The following PDZRN4 variants were observed in gnomAD, a reference collection of about 807,000 sequenced individuals.
The protein encoded by PDZRN4 is PDZ domain containing ring finger 4.
A neutral mutation model predicts 99.0 loss-of-function variants in PDZRN4; 70 were observed. The observed-to-expected ratio is 0.71, with a 90% CI of 0.58 to 0.86. The LOEUF (loss-of-function observed/expected upper bound fraction) is 0.86, where lower values mean the gene tolerates loss of function less well. Among genes scored for constraint, PDZRN4 ranks in the 40% least tolerant of loss-of-function variants. PDZRN4 has a pLI of 0.00. For synonymous variants in PDZRN4, 551 were observed against 501.6 expected (o/e 1.10, Z -1.32); for missense variants, 1,474 against 1,331.2 (o/e 1.11, Z -1.67).
At chr12:41,197,978 G>C (rs1591964073) in intron 3 of PDZRN4, among the ~76,000 whole-genome samples, 1 of 134,224 alleles carries the variant, frequency 7.5e-6, no homozygotes, top group African/African-American at 2.8e-5. Flanking sequence ...GCAGTGGCAT[G>C]ATCACAGCTC....
At chr12:41,493,198 T>C (rs543975795) in intron 3 of PDZRN4, among the ~76,000 whole-genome samples, 3 of 152,326 alleles carry the variant, frequency 2.0e-5, no homozygotes, top group South Asian at 2.1e-4. Context: ...CCGTATGCCA[T>C]GTAATTAATC....
chr12:41,416,125 G>C (rs528570712), intron 3 of PDZRN4, among the ~76,000 whole-genome samples: 1 of 152,088 alleles, frequency 6.6e-6, no homozygotes, highest in Non-Finnish European at 1.5e-5. Flanking sequence ...CATAAACATA[G>C]TGTAAATTGA....
intron 5 of PDZRN4, among the ~76,000 whole-genome samples, chr12:41,516,924 A>G (rs1938410661): frequency 6.6e-6 from 1 of 151,954 alleles, no homozygotes; most frequent in Non-Finnish European, 1.5e-5. Flanking sequence ...TTGAATACTT[A>G]AGTTTATTAA....
At chr12:41,225,079 G>T in intron 3 of PDZRN4, among the ~76,000 whole-genome samples, 1 of 152,052 alleles carries the variant, frequency 6.6e-6, no homozygotes, top group East Asian at 1.9e-4. Flanking sequence ...CCTGTCTCCA[G>T]AGTATAAAAA....
intron 3 of PDZRN4, among the ~76,000 whole-genome samples, chr12:41,444,515 A>G (rs1001638525): frequency 6.6e-6 from 1 of 152,134 alleles, no homozygotes; most frequent in African/African-American, 2.4e-5. Context: ...CTATATTCTC[A>G]GCATTGGCTT....
At chr12:41,449,552 G>C (rs1040251941) in intron 3 of PDZRN4, among the ~76,000 whole-genome samples, 1 of 152,198 alleles carries the variant, frequency 6.6e-6, no homozygotes, top group Non-Finnish European at 1.5e-5. Context: ...ATGGGTAATG[G>C]ATGTGCACGC....
intron 3 of PDZRN4, among the ~76,000 whole-genome samples, chr12:41,296,287 G>A (rs1951493266): frequency 6.6e-6 from 1 of 152,110 alleles, no homozygotes; most frequent in South Asian, 2.1e-4. Context: ...TGAAGACAAA[G>A]CACAATCAAA....
chr12:41,244,765 A>G (rs563074085), intron 3 of PDZRN4, among the ~76,000 whole-genome samples: 21 of 149,188 alleles, frequency 1.4e-4, no homozygotes, highest in African/African-American at 5.2e-4. Context: ...GCTCACTGCA[A>G]GCTCTGCTTC....
rs145255872 is a variant in PDZRN4, at chr12:41,352,156, G to A, written c.844-154300G>A. On this transcript the variant is annotated intron_variant, in intron 3 of 9. Coordinates refer to ENST00000402685, the MANE Select transcript of PDZRN4 (RefSeq NM_001164595.2). Reference sequence around the variant, plus strand: ...TTCTGACAAGGGTGCACTGGATTTGGCAAATGAAAGTTACCTGGTGAACTC... The same window carrying A: ...TTCTGACAAGGGTGCACTGGATTTGACAAATGAAAGTTACCTGGTGAACTC... Among the ~76,000 whole-genome samples, 14 of 152,028 alleles carry A rather than the reference G, an allele frequency of 9.2e-5. No individual in the cohort carries two copies. The East Asian group carries it at 2.7e-3, about 29-fold the overall frequency.
chr12:41,385,740 G>A (rs1469581700), intron 3 of PDZRN4, among the ~76,000 whole-genome samples: 1 of 152,108 alleles, frequency 6.6e-6, no homozygotes, highest in African/African-American at 2.4e-5. Flanking sequence ...TCTACCAGAT[G>A]TACAAAGAAG....
At chr12:41,467,919 T>C (rs567920368) in intron 3 of PDZRN4, among the ~76,000 whole-genome samples, 2 of 152,360 alleles carry the variant, frequency 1.3e-5, no homozygotes, top group East Asian at 3.9e-4. Flanking sequence ...CTTTTCCCCC[T>C]GTAAATTACT....
chr12:41,457,819 C>T (rs1161793309), intron 3 of PDZRN4, among the ~76,000 whole-genome samples: 6 of 152,002 alleles, frequency 3.9e-5, no homozygotes, highest in Non-Finnish European at 7.4e-5. Context: ...CAATTAAATC[C>T]AACAAATATT....
At chr12:41,398,353 A>C (rs1002407516) in intron 3 of PDZRN4, among the ~76,000 whole-genome samples, 1 of 152,126 alleles carries the variant, frequency 6.6e-6, no homozygotes, top group Non-Finnish European at 1.5e-5. Flanking sequence ...GTCACTAAGG[A>C]ATGGGAAAGT....
At chr12:41,317,742 T>C (rs999629028) in intron 3 of PDZRN4, among the ~76,000 whole-genome samples, 2 of 152,192 alleles carry the variant, frequency 1.3e-5, no homozygotes, top group African/African-American at 4.8e-5. Flanking sequence ...GTGACACTTT[T>C]GGACAGTTAT....
At chr12:41,212,014 C>T (rs916502736) in intron 3 of PDZRN4, among the ~76,000 whole-genome samples, 3 of 151,798 alleles carry the variant, frequency 2.0e-5, no homozygotes, top group Admixed American at 1.3e-4. Context: ...TATATTCTTG[C>T]CTGTCACTGT....
chr12:41,522,149 G>A (rs285573), intron 5 of PDZRN4, among the ~76,000 whole-genome samples: 30,289 of 152,056 alleles, frequency 0.2, 3,722 homozygotes, highest in African/African-American at 0.35. Context: ...AAGAGCATGT[G>A]AGCAATGCAG....
Position 41,243,582 on chromosome 12 carries a change from CT to C in PDZRN4, c.843+49395del, listed in dbSNP as rs1591982240. ...AGTCTGTATTTAAAGCCAGATAGAT[CT>C]ATTGGAGTCCCTTTCTGTTCACAAC... On this transcript the variant is annotated intron_variant, in intron 3 of 9. Coordinates refer to ENST00000402685, the MANE Select transcript of PDZRN4 (RefSeq NM_001164595.2). Among the ~76,000 whole-genome samples the C allele has an allele frequency of 2.0e-5, 3 of 152,088 alleles. No individual in the cohort carries two copies. In the East Asian group the frequency reaches 5.8e-4, roughly 29 times the overall value.
Position 41,266,410 on chromosome 12 carries a change from A to ATT in PDZRN4, c.843+72225_843+72226dup, listed in dbSNP as rs377621141. ...GATACTAACTGAAACTGAGAATCCC[A>ATT]TTTTACCTGTGCACCTAGTTGGATA... On this transcript the variant is annotated intron_variant, in intron 3 of 9. Coordinates refer to ENST00000402685, the MANE Select transcript of PDZRN4 (RefSeq NM_001164595.2). Among the ~76,000 whole-genome samples, 17 of 152,114 alleles carry ATT rather than the reference A, an allele frequency of 1.1e-4. 1 individual carries two copies. Among genetic ancestry groups the ATT allele is most frequent in the African/African-American group, 4.1e-4 (17 of 41,406 alleles).
At chr12:41,334,846 A>C (rs572638911) in intron 3 of PDZRN4, among the ~76,000 whole-genome samples, 1 of 152,188 alleles carries the variant, frequency 6.6e-6, no homozygotes, top group East Asian at 1.9e-4. Context: ...CCTAATAGAA[A>C]CCACCATTGT....
Sources: gnomAD v4.1 joint callset for allele counts (sites outside exome capture counted in the v4.1 genomes callset) on GRCh38, gnomAD v4.1.1 for gene constraint, MANE v1.5 for transcripts, NCBI Gene and HGNC (gene_info 2026-07-23, HGNC 2026-07-21) for gene names.